Variants in SPDEF observed in about 807,000 individuals in gnomAD.
The protein encoded by SPDEF is SAM pointed domain containing ETS transcription factor, also known as SAM pointed domain-containing Ets transcription factor.
A neutral mutation model predicts 36.0 loss-of-function variants in SPDEF; 12 were observed. That is an observed-to-expected ratio of 0.33 (90% CI 0.21 to 0.54). SPDEF has a LOEUF of 0.54. Ranked by LOEUF, SPDEF falls within the 20% of genes least tolerant of loss-of-function variation. The pLI, the probability that SPDEF is intolerant of heterozygous loss-of-function variation, is 0.93. For missense variants in SPDEF, 388 were observed against 456.9 expected, an observed-to-expected ratio of 0.85 and a Z score of 1.37; for synonymous variants, 205 against 193.0, an observed-to-expected ratio of 1.06 and a Z score of -0.51.
At chr6:34,553,216 C>T (rs953922926) in intron 1 of SPDEF, among the ~76,000 whole-genome samples, 9 of 152,194 alleles carry the variant, frequency 5.9e-5, no homozygotes, top group Admixed American at 2.6e-4. Context: ...CCCCCAACCC[C>T]GGCTGCTGAG....
intron 2 of SPDEF, among the ~76,000 whole-genome samples, chr6:34,541,967 G>A (rs953581019): frequency 1.3e-5 from 2 of 152,240 alleles, no homozygotes; most frequent in Non-Finnish European, 2.9e-5. Context: ...GTGACCTGCA[G>A]GCTGGGCTGC....
rs1381314801 is a variant in SPDEF at position 34,541,211 on chromosome 6, G to A, written c.437-30C>T. The A allele has an allele frequency of 1.9e-6, 3 of 1,558,234 alleles. No individual in the cohort carries two copies. The Admixed American group carries it at 5.6e-5, about 29-fold the overall frequency. On this transcript the variant is annotated intron_variant, in intron 2 of 5. Coordinates refer to ENST00000374037, the MANE Select transcript of SPDEF (RefSeq NM_012391.3). The stretch of plus-strand genomic sequence containing the variant: ...GCAAGAGGCATCCCCTCAGCTCAGG[G>A]GTGGCCTGAGAGCACCACCCTGCTG...
chr6:34,552,770 A>C lies in SPDEF; in HGVS notation c.-30+3159T>G, dbSNP rs1247706180. On this transcript the variant is annotated intron_variant, in intron 1 of 5. Coordinates refer to ENST00000374037, the MANE Select transcript of SPDEF (RefSeq NM_012391.3). The surrounding 1 kb of genome is among the most constrained non-coding windows in gnomAD (Gnocchi z 4.6). ...AGAACTGTCCTGACAGGCTAAGAAC[A>C]GAAATTGCTTCAAACAAGGTTGAGA... Among the ~76,000 whole-genome samples, 1 of 152,234 alleles carries C rather than the reference A, an allele frequency of 6.6e-6. No individual in the cohort carries two copies. Among genetic ancestry groups the C allele is most frequent in the Non-Finnish European group, 1.5e-5 (1 of 68,034 alleles).
rs572162983 is a variant in SPDEF, at chr6:34,543,871, C to G, written c.436+149G>C. The G allele has an allele frequency of 7.1e-6, 5 of 706,984 alleles. No homozygotes were observed. In the East Asian group the frequency reaches 1.4e-4, roughly 20 times the overall value. 43.8% of individuals were successfully genotyped at this position (706,984 alleles called of 1,614,324 possible). On this transcript the variant is annotated intron_variant, in intron 2 of 5. Transcript: ENST00000374037. Reference sequence around the variant, plus strand: ...CTTCCTGGCCCAGGCTCACAGCTGACTGTGTGTAGAAGTGCCAGCATCCCC... The same window carrying G: ...CTTCCTGGCCCAGGCTCACAGCTGAGTGTGTGTAGAAGTGCCAGCATCCCC...
intron 1 of SPDEF, among the ~76,000 whole-genome samples, chr6:34,545,295 T>C (rs1462279109): frequency 6.6e-6 from 1 of 152,248 alleles, no homozygotes; most frequent in Non-Finnish European, 1.5e-5. Context: ...CAGTGCCACA[T>C]GCCAGGCTTT....
In SPDEF at chr6:34,537,965, T is replaced by C. The variant is rs1017915579; in HGVS notation, c.*309A>G. On this transcript the variant is annotated 3_prime_UTR_variant, in exon 6 of 6. Transcript: ENST00000374037. ...CTGCCTGTGGCCTTTGTCGAGTCAC[T>C]GCCCTTCTGTAGGCTCTGCTCTGGA... is the stretch of plus-strand genomic sequence containing the variant. The C allele has an allele frequency of 3.2e-6, 1 of 312,294 alleles. No individual in the cohort carries two copies. The highest frequency in any genetic ancestry group is 6.0e-6 in the Non-Finnish European group (1 of 166,006). The allele number at this position is 312,294 out of a possible 1,614,324, so 19.3% of individuals were successfully genotyped here.
intron 2 of SPDEF, among the ~76,000 whole-genome samples, chr6:34,542,717 C>A (rs567980810): frequency 1.3e-3 from 190 of 151,818 alleles, no homozygotes; most frequent in African/African-American, 4.1e-3. Flanking sequence ...GGTGAAAACT[C>A]CGTCTCTACT....
intron 2 of SPDEF, among the ~76,000 whole-genome samples, chr6:34,542,510 C>T (rs141461964): frequency 6.6e-6 from 1 of 152,384 alleles, no homozygotes; most frequent in Admixed American, 6.5e-5. Context: ...GTGTCACTCA[C>T]TATCATGTCA....
chr6:34,542,061 T>C (rs1245194194), intron 2 of SPDEF, among the ~76,000 whole-genome samples: 1 of 152,116 alleles, frequency 6.6e-6, no homozygotes, highest in Non-Finnish European at 1.5e-5. Flanking sequence ...GGCCCTCCCC[T>C]CCCTAGCCCT....
chr6:34,550,551 A>G (rs568143988), intron 1 of SPDEF, among the ~76,000 whole-genome samples: 7 of 152,346 alleles, frequency 4.6e-5, no homozygotes, highest in Non-Finnish European at 8.8e-5. Context: ...TGGACTCAGC[A>G]TGAGTAGACG....
At position 34,543,378 on chromosome 6, in the gene SPDEF, CA is replaced by C. The variant is rs997683937; in HGVS notation, c.436+641del. Among the ~76,000 whole-genome samples the C allele has an allele frequency of 5.7e-4, 86 of 152,088 alleles. 1 individual carries two copies. Among genetic ancestry groups the C allele is most frequent in the Admixed American group, 5.2e-3 (79 of 15,278 alleles). On this transcript the variant is annotated intron_variant, in intron 2 of 5. Coordinates refer to ENST00000374037, the MANE Select transcript of SPDEF (RefSeq NM_012391.3). Reference sequence around the variant, plus strand: ...GGAGTGTACATTCTAGTGGAGGACACAGAGAGTGAGCGAGATCAACAGATAT... The same window carrying C: ...GGAGTGTACATTCTAGTGGAGGACACGAGAGTGAGCGAGATCAACAGATAT...
rs184879253 is a variant in SPDEF, at chr6:34,545,020, G to A, written c.-29-536C>T. On this transcript the variant is annotated intron_variant, in intron 1 of 5. Coordinates refer to ENST00000374037, the MANE Select transcript of SPDEF (RefSeq NM_012391.3). Reference sequence around the variant, plus strand: ...GGGGAAAGACGAGAGGAACAAGGCGGGGTAGAAACCCTCCCACACGCCGGG... The same window carrying A: ...GGGGAAAGACGAGAGGAACAAGGCGAGGTAGAAACCCTCCCACACGCCGGG... 4.9e-4 allele frequency among the ~76,000 whole-genome samples: 74 copies of A among 152,330 alleles called. 1 individual carries two copies. In the East Asian group the frequency reaches 0.014, roughly 28 times the overall value.
Position 34,539,500 on chromosome 6 carries a change from C to T in SPDEF, c.682+15G>A, listed in dbSNP as rs772690523. 4.4e-5 allele frequency: 69 copies of T among 1,580,226 alleles called. No homozygotes were observed. The highest frequency in any genetic ancestry group is 4.3e-4 in the South Asian group (38 of 87,506). ...ACCCGAGCCCCCGCCTCCACCCTGC[C>T]GCTGCCTGGCTCACCACAGTAGTGA... On this transcript the variant is annotated intron_variant, in intron 4 of 5. Transcript: ENST00000374037. The surrounding 1 kb of genome is among the most constrained non-coding windows in gnomAD (Gnocchi z 5.2).
Position 34,538,480 on chromosome 6 carries a change from A to C in SPDEF, c.830-28T>G, listed in dbSNP as rs1202419754. 5.7e-6 allele frequency: 9 copies of C among 1,583,342 alleles called. No homozygotes were observed. The highest frequency in any genetic ancestry group is 7.7e-6 in the Non-Finnish European group (9 of 1,162,324). ...AGAGCAGGAGGGCCCCGAGAGAGCCAGTGGTATGAGTGAGGTGGCAAGAAG... is the reference window on the plus strand; with the variant it reads ...AGAGCAGGAGGGCCCCGAGAGAGCCCGTGGTATGAGTGAGGTGGCAAGAAG... On this transcript the variant is annotated intron_variant, in intron 5 of 5. Transcript: ENST00000374037. This position sits in a 1 kb window ranked among gnomAD's most constrained non-coding sequence, Gnocchi z 5.9.
chr6:34,538,442 T>A lies in SPDEF; in HGVS notation c.840A>T (p.Lys280Asn). 6.2e-7 allele frequency: 1 copy of A among 1,612,922 alleles called. No individual in the cohort carries two copies. The highest frequency in any genetic ancestry group is 8.5e-7 in the Non-Finnish European group (1 of 1,179,356). The change falls in exon 6 of 6, where the codon AAA becomes AAT. Residue 280 changes from lysine (K) to asparagine (N), a missense_variant. Lys to Asn is a moderately conservative substitution (Grantham distance 94). Around this residue, in one of 2 missense-constraint regions of SPDEF, gnomAD observed 80 missense variants for 130.8 expected, o/e 0.61. Coordinates refer to ENST00000374037, the MANE Select transcript of SPDEF (RefSeq NM_012391.3). The surrounding 1 kb of genome is among the most constrained non-coding windows in gnomAD (Gnocchi z 5.9). ...GGGCCACCTGGGCTGAGTCCTCAAT[T>A]TTGAAGATGCCTAGAGCAGGAGGGC... Reference protein sequence around the residue: ...RWLNKEKGIFKIEDSAQVARL... With the variant: ...RWLNKEKGIFNIEDSAQVARL...
At chr6:34,548,694 C>A (rs1212408288) in intron 1 of SPDEF, among the ~76,000 whole-genome samples, 2 of 152,210 alleles carry the variant, frequency 1.3e-5, no homozygotes, top group Non-Finnish European at 2.9e-5. Flanking sequence ...GCATTTCATA[C>A]CTGCCCCTGT....
In SPDEF at chr6:34,538,598, G is replaced by C. The variant is rs1228351713; in HGVS notation, c.830-146C>G. Reference sequence around the variant, plus strand: ...TGCTCGGGTGGGGCGGGGTGTGGGGGCCCAAATGCCTACTCCCAAGGTGTA... The same window carrying C: ...TGCTCGGGTGGGGCGGGGTGTGGGGCCCCAAATGCCTACTCCCAAGGTGTA... On this transcript the variant is annotated intron_variant, in intron 5 of 5. Transcript: ENST00000374037. The surrounding 1 kb of genome is among the most constrained non-coding windows in gnomAD (Gnocchi z 5.9). 4.1e-6 allele frequency: 3 copies of C among 738,948 alleles called. No individual in the cohort carries two copies. Among genetic ancestry groups the C allele is most frequent in the Admixed American group, 2.8e-5 (1 of 35,450 alleles). 45.8% of individuals were successfully genotyped at this position (738,948 alleles called of 1,614,324 possible).
rs1021416801 is a variant in SPDEF, at chr6:34,552,258, G to A, written c.-30+3671C>T. Among the ~76,000 whole-genome samples, 9 of 152,178 alleles carry A rather than the reference G, an allele frequency of 5.9e-5. No individual in the cohort carries two copies. The highest frequency in any genetic ancestry group is 3.9e-4 in the Admixed American group (6 of 15,280). The stretch of plus-strand genomic sequence containing the variant: ...CCCAGCTTGCCACAGGACAGGGGTC[G>A]TGAGGTTTCCTGGGTCTCTTGCTCC... On this transcript the variant is annotated intron_variant, in intron 1 of 5. Coordinates refer to ENST00000374037, the MANE Select transcript of SPDEF (RefSeq NM_012391.3). This position sits in a 1 kb window ranked among gnomAD's most constrained non-coding sequence, Gnocchi z 4.6.
intron 1 of SPDEF, among the ~76,000 whole-genome samples, chr6:34,550,900 T>G (rs1768046608): frequency 6.6e-6 from 1 of 152,186 alleles, no homozygotes; most frequent in Admixed American, 6.5e-5. Context: ...CAGTGAAGCC[T>G]CCTCTGTGCC....
Sources: allele counts gnomAD v4.1 joint callset (sites outside exome capture counted in the v4.1 genomes callset), GRCh38; gene constraint gnomAD v4.1.1; regional missense constraint gnomAD v4.1.1; non-coding constraint Gnocchi (gnomAD v3.1); transcripts MANE v1.5; gene names NCBI Gene and HGNC (gene_info 2026-07-23, HGNC 2026-07-21).